The following AHRR variants were observed in gnomAD, a reference collection of about 807,000 sequenced individuals.
The protein encoded by AHRR is aryl hydrocarbon receptor repressor, also known as ahR repressor.
AHRR carries 28 observed loss-of-function variants against 44.0 expected under a neutral mutation model. The observed-to-expected ratio is 0.64, with a 90% confidence interval of 0.47 to 0.87. The LOEUF (loss-of-function observed/expected upper bound fraction) is 0.87, where lower values mean the gene tolerates loss of function less well. AHRR is among the 40% of genes least tolerant of loss of function. The pLI is 0.00. For missense variants in AHRR, 990 were observed against 953.9 expected (o/e 1.04, Z -0.50); for synonymous variants, 434 against 407.0 (o/e 1.07, Z -0.80).
chr5:429,491 T>C (rs1483955367), intron 8 of AHRR, among the ~76,000 whole-genome samples: 2 of 152,158 alleles, frequency 1.3e-5, no homozygotes, highest in Non-Finnish European at 2.9e-5. Flanking sequence ...GCCCTGCCCC[T>C]GCCCCCTGGC....
intron 5 of AHRR, among the ~76,000 whole-genome samples, chr5:417,418 G>A (rs1037271647): frequency 8.6e-5 from 13 of 151,860 alleles, no homozygotes; most frequent in African/African-American, 2.4e-4. Context: ...GTCTGTATGT[G>A]CAGGGCCTGA....
chr5:386,023 G>A (rs562135401), intron 4 of AHRR, among the ~76,000 whole-genome samples: 8 of 151,896 alleles, frequency 5.3e-5, no homozygotes, highest in Non-Finnish European at 1.2e-4. Flanking sequence ...TTTACTTCAT[G>A]TATTTTATTT....
Position 422,874 on chromosome 5 carries a change from C to T in AHRR, c.571+16C>T, listed in dbSNP as rs766286347. ...TTGGAGACAGGTGGGTGTCTGGGGTCCAAGTGAGTCAGCAAAACCTAAAGC... is the reference window on the plus strand; with the variant it reads ...TTGGAGACAGGTGGGTGTCTGGGGTTCAAGTGAGTCAGCAAAACCTAAAGC... On this transcript the variant is annotated intron_variant, in intron 6 of 10. Transcript: ENST00000684583. The T allele has an allele frequency of 3.1e-6, 5 of 1,601,322 alleles. No individual in the cohort carries two copies. Among genetic ancestry groups the T allele is most frequent in the Non-Finnish European group, 4.3e-6 (5 of 1,173,690 alleles).
In AHRR at chr5:411,883, C is replaced by T. The variant is rs894305541; in HGVS notation, c.352-1461C>T. Among the ~76,000 whole-genome samples, 3 of 152,314 alleles carry T rather than the reference C, an allele frequency of 2.0e-5. No homozygotes were observed. Among genetic ancestry groups the T allele is most frequent in the East Asian group, 1.9e-4 (1 of 5,188 alleles). ...GCCCCCTCACCCCCAGCTTCTACCT[C>T]GTGTGGGATGTGAGACTGGGCGAGA... On this transcript the variant is annotated intron_variant, in intron 4 of 10. Coordinates refer to ENST00000684583, the MANE Select transcript of AHRR (RefSeq NM_001377236.1). The surrounding 1 kb of genome is among the most constrained non-coding windows in gnomAD (Gnocchi z 4.2).
chr5:332,675 T>C (rs1238667716), intron 1 of AHRR, among the ~76,000 whole-genome samples: 2 of 152,162 alleles, frequency 1.3e-5, no homozygotes, highest in Admixed American at 6.5e-5. Context: ...ATAATGTAAA[T>C]GTATGTGGAG....
Position 343,899 on chromosome 5 carries a change from G to A in AHRR, c.-4G>A. 6.2e-7 allele frequency: 1 copy of A among 1,600,064 alleles called. No individual in the cohort carries two copies. The highest frequency in any genetic ancestry group is 8.5e-7 in the Non-Finnish European group (1 of 1,174,192). On this transcript the variant is annotated 5_prime_UTR_variant, in exon 2 of 11. Coordinates refer to ENST00000684583, the MANE Select transcript of AHRR (RefSeq NM_001377236.1). ...GTGCCCCCTTGTCTTCCAGGCCGAG[G>A]ACGATGATCCCGCCGGGGGAGTGCA... is the stretch of plus-strand genomic sequence containing the variant.
At chr5:391,815 GGACA>G (rs1734473449) in intron 4 of AHRR, among the ~76,000 whole-genome samples, 2 of 30,812 alleles carry the variant, frequency 6.5e-5, no homozygotes, top group African/African-American at 3.7e-4. Flanking sequence ...GAGCGTGCAC[GGACA>G]CAGGGCGAGG....
chr5:323,821 C>G (rs1450951406), intron 1 of AHRR, among the ~76,000 whole-genome samples: 1 of 152,090 alleles, frequency 6.6e-6, no homozygotes, highest in Non-Finnish European at 1.5e-5. Context: ...CTGGGGTGAT[C>G]AGGCATTGAA....
chr5:373,375 C>T (rs2126435087), intron 3 of AHRR, among the ~76,000 whole-genome samples: 1 of 152,358 alleles, frequency 6.6e-6, no homozygotes, highest in Non-Finnish European at 1.5e-5. Context: ...ACCAGCAGGC[C>T]GGGCGGTGGC....
intron 1 of AHRR, among the ~76,000 whole-genome samples, chr5:322,386 C>T (rs1033195345): frequency 6.6e-6 from 1 of 152,176 alleles, no homozygotes. Flanking sequence ...GGGCCACCCT[C>T]TGACCTCTTC....
Position 338,561 on chromosome 5 carries a change from G to T in AHRR, c.-10-5332G>T, listed in dbSNP as rs1406736560. On this transcript the variant is annotated intron_variant, in intron 1 of 10. Transcript: ENST00000684583. This position sits in a 1 kb window ranked among gnomAD's most constrained non-coding sequence, Gnocchi z 4.1. ...TTCTCTGGCTTTTAATATTATTCTAGGCCAGGTACGTGGCTCATACCTGTA... is the reference window on the plus strand; with the variant it reads ...TTCTCTGGCTTTTAATATTATTCTATGCCAGGTACGTGGCTCATACCTGTA... Among the ~76,000 whole-genome samples the T allele has an allele frequency of 6.6e-6, 1 of 152,004 alleles. No homozygotes were observed. The highest frequency in any genetic ancestry group is 1.9e-4 in the East Asian group (1 of 5,192).
At chr5:431,804 A>G (rs1736746767) in intron 8 of AHRR, among the ~76,000 whole-genome samples, 1 of 152,194 alleles carries the variant, frequency 6.6e-6, no homozygotes, top group African/African-American at 2.4e-5. Context: ...ATTCATGGAC[A>G]TAGATGGGGC....
intron 3 of AHRR, among the ~76,000 whole-genome samples, chr5:371,407 C>T (rs765752005): frequency 6.6e-6 from 1 of 152,242 alleles, no homozygotes; most frequent in Non-Finnish European, 1.5e-5. Flanking sequence ...AGTAGCTTCC[C>T]ATCTGAGTCA....
chr5:407,258 G>C (rs1260095744), intron 4 of AHRR, among the ~76,000 whole-genome samples: 1 of 152,202 alleles, frequency 6.6e-6, no homozygotes, highest in Non-Finnish European at 1.5e-5. Flanking sequence ...ATTGACTCAG[G>C]AGGAGCAGGC....
intron 4 of AHRR, among the ~76,000 whole-genome samples, chr5:390,978 G>T (rs1734391588): frequency 6.6e-6 from 1 of 152,218 alleles, no homozygotes. Flanking sequence ...GAAGGGGTCT[G>T]GGTGGGGATG....
intron 4 of AHRR, among the ~76,000 whole-genome samples, chr5:398,331 C>T (rs968707218): frequency 2.6e-5 from 4 of 152,008 alleles, no homozygotes; most frequent in African/African-American, 7.3e-5. Flanking sequence ...CGACATTCCG[C>T]GTTAGCCCCA....
intron 3 of AHRR, among the ~76,000 whole-genome samples, chr5:374,491 A>G (rs1438263176): frequency 6.6e-6 from 1 of 152,216 alleles, no homozygotes; most frequent in Non-Finnish European, 1.5e-5. Flanking sequence ...CCCTTGCCCA[A>G]GGGATGCCCC....
chr5:428,702 C>T (rs1054741876), intron 8 of AHRR, among the ~76,000 whole-genome samples: 34 of 152,128 alleles, frequency 2.2e-4, no homozygotes, highest in Admixed American at 1.6e-3. Flanking sequence ...AATAATTATA[C>T]AACTTGGCAT....
intron 8 of AHRR, among the ~76,000 whole-genome samples, chr5:431,150 G>A (rs1224537634): frequency 6.6e-6 from 1 of 152,208 alleles, no homozygotes. Context: ...GAGCAGGGCA[G>A]GGCAGGCCTG....
Sources: allele counts gnomAD v4.1 joint callset (sites outside exome capture counted in the v4.1 genomes callset), GRCh38; gene constraint gnomAD v4.1.1; non-coding constraint Gnocchi (gnomAD v3.1); transcripts MANE v1.5; gene names NCBI Gene and HGNC (gene_info 2026-07-23, HGNC 2026-07-21).